The following LRRC4C variants were observed in gnomAD, a reference collection of about 807,000 sequenced individuals.
LRRC4C encodes the protein leucine rich repeat containing 4C.
LRRC4C carries 5 observed loss-of-function variants against 33.6 expected under a neutral mutation model. The observed-to-expected ratio is 0.15, with a 90% CI of 0.08 to 0.31. LRRC4C has a LOEUF of 0.31. Among genes scored for constraint, LRRC4C ranks in the 10% least tolerant of loss-of-function variants. LRRC4C has a pLI of 1.00. For missense variants in LRRC4C, 560 were observed against 796.7 expected (o/e 0.70, Z 3.58); for synonymous variants, 329 against 302.0 (o/e 1.09, Z -0.93).
chr11:40,751,076 G>GA (rs199548498), intron 2 of LRRC4C, among the ~76,000 whole-genome samples: 5,307 of 148,314 alleles, frequency 0.036, 118 homozygotes, highest in Middle Eastern at 0.076. Flanking sequence ...CTCCCTTTAT[G>GA]AAAAAAAAGA....
intron 3 of LRRC4C, among the ~76,000 whole-genome samples, chr11:40,638,289 CA>C (rs1941888509): frequency 6.6e-6 from 1 of 152,084 alleles, no homozygotes; most frequent in African/African-American, 2.4e-5. Flanking sequence ...TCTCCAAAGC[CA>C]AGAATAGTGT....
chr11:40,890,807 A>T (rs976198403), intron 2 of LRRC4C, among the ~76,000 whole-genome samples: 1 of 152,172 alleles, frequency 6.6e-6, no homozygotes. Context: ...CCTGGAAGTT[A>T]AATGTGTCAG....
Position 40,382,049 on chromosome 11 carries a change from C to T in LRRC4C, c.-269-62328G>A, listed in dbSNP as rs554301452. Reference sequence around the variant, plus strand: ...TCGGCTCACTGCAAGCTCCGCCTCCCGGGTTCACGCCATTCTCCTGCCTCA... The same window carrying T: ...TCGGCTCACTGCAAGCTCCGCCTCCTGGGTTCACGCCATTCTCCTGCCTCA... On this transcript the variant is annotated intron_variant, in intron 3 of 6. Transcript: ENST00000528697. 9.1e-3 allele frequency among the ~76,000 whole-genome samples: 1,346 copies of T among 148,364 alleles called. 11 individuals carry two copies. The highest frequency in any genetic ancestry group is 0.021 in the South Asian group (98 of 4,672).
chr11:40,907,394 A>G (rs953004933), intron 2 of LRRC4C, among the ~76,000 whole-genome samples: 1 of 152,218 alleles, frequency 6.6e-6, no homozygotes, highest in African/African-American at 2.4e-5. Flanking sequence ...TGCAAGGAAC[A>G]TAATGGGGCA....
intron 1 of LRRC4C, among the ~76,000 whole-genome samples, chr11:41,216,460 TA>T (rs75829426): frequency 0.048 from 6,213 of 128,308 alleles, 153 homozygotes; most frequent in African/African-American, 0.081. Context: ...CATTCTTAAG[TA>T]AAAAAAAAAA....
At chr11:40,485,925 T>C (rs528952460) in intron 3 of LRRC4C, among the ~76,000 whole-genome samples, 25 of 151,956 alleles carry the variant, frequency 1.6e-4, no homozygotes, top group Non-Finnish European at 3.4e-4. Context: ...TTCTCACTTA[T>C]AAGTGGGAGC....
chr11:40,114,889 C>T lies in LRRC4C; in HGVS notation c.1404G>A (p.Glu468=), dbSNP rs1855306182. ...CCACATTGTTATCTGTGGTCCGTGC[C>T]TCATCCTGAGACGGTTCCATAGTCT... ...TVETMEPSQD[E]ARTTDNNVGP... Residue 468 remains glutamate (E), a synonymous_variant, in exon 7 of 7, where the codon GAG becomes GAA. Transcript: ENST00000528697. The T allele has an allele frequency of 1.9e-6, 3 of 1,614,026 alleles. No individual in the cohort carries two copies. The highest frequency in any genetic ancestry group is 2.7e-5 in the African/African-American group (2 of 74,904).
intron 1 of LRRC4C, among the ~76,000 whole-genome samples, chr11:41,411,583 A>G (rs966062888): frequency 6.6e-6 from 1 of 152,228 alleles, no homozygotes; most frequent in Non-Finnish European, 1.5e-5. Context: ...ACAAGATTCT[A>G]TTCTGAAACC....
At chr11:40,721,726 G>A (rs1331987091) in intron 2 of LRRC4C, among the ~76,000 whole-genome samples, 1 of 152,178 alleles carries the variant, frequency 6.6e-6, no homozygotes, top group Non-Finnish European at 1.5e-5. Flanking sequence ...CGAGGTGGGC[G>A]GATCACGAGG....
chr11:41,342,373 C>A (rs1951668795), intron 1 of LRRC4C, among the ~76,000 whole-genome samples: 1 of 152,108 alleles, frequency 6.6e-6, no homozygotes, highest in South Asian at 2.1e-4. Flanking sequence ...GCTTTCTAAC[C>A]TCTTCCTGGA....
chr11:40,240,537 C>A (rs992947556), intron 5 of LRRC4C, among the ~76,000 whole-genome samples: 23 of 152,164 alleles, frequency 1.5e-4, no homozygotes, highest in African/African-American at 5.6e-4. Context: ...TTCTCCCACA[C>A]AGAGACACTA....
intron 1 of LRRC4C, among the ~76,000 whole-genome samples, chr11:41,179,694 G>A (rs139627467): frequency 1.5e-3 from 225 of 152,236 alleles, no homozygotes; most frequent in African/African-American, 4.3e-3. Flanking sequence ...TAGATAGTAG[G>A]TATACAACTG....
chr11:40,207,134 T>C (rs941501361), intron 5 of LRRC4C, among the ~76,000 whole-genome samples: 60 of 152,198 alleles, frequency 3.9e-4, no homozygotes, highest in African/African-American at 1.4e-3. Context: ...AATCTTAATA[T>C]ATTGTACGGA....
chr11:40,296,273 T>C (rs1944507129), intron 4 of LRRC4C, among the ~76,000 whole-genome samples: 3 of 152,232 alleles, frequency 2.0e-5, no homozygotes, highest in South Asian at 2.1e-4. Context: ...CTTGAATTCG[T>C]CACATGGCTT....
chr11:40,174,675 T>C (rs544122046), intron 5 of LRRC4C, among the ~76,000 whole-genome samples: 4 of 152,298 alleles, frequency 2.6e-5, no homozygotes, highest in East Asian at 3.9e-4. Context: ...ACTATAACCA[T>C]AGCAGCAGTG....
At chr11:40,621,611 T>G (rs1396370840) in intron 3 of LRRC4C, among the ~76,000 whole-genome samples, 1 of 151,812 alleles carries the variant, frequency 6.6e-6, no homozygotes, top group East Asian at 1.9e-4. Context: ...GAGGTAATGA[T>G]GACTTTATCT....
intron 2 of LRRC4C, among the ~76,000 whole-genome samples, chr11:40,874,142 C>T (rs1222916039): frequency 6.6e-6 from 1 of 152,122 alleles, no homozygotes; most frequent in Non-Finnish European, 1.5e-5. Context: ...AGATTTAAAC[C>T]ATCTCCTGTC....
chr11:40,544,146 G>A (rs559330647), intron 3 of LRRC4C, among the ~76,000 whole-genome samples: 39 of 151,986 alleles, frequency 2.6e-4, no homozygotes, highest in Non-Finnish European at 3.7e-4. Flanking sequence ...TTAGATGACC[G>A]ATATTTAAAC....
chr11:40,556,771 G>T (rs1166333448), intron 3 of LRRC4C, among the ~76,000 whole-genome samples: 1 of 152,050 alleles, frequency 6.6e-6, no homozygotes, highest in Non-Finnish European at 1.5e-5. Flanking sequence ...TCAAATCAAA[G>T]GCTACTTACA....
Sources: allele counts gnomAD v4.1 joint callset (sites outside exome capture counted in the v4.1 genomes callset), GRCh38; gene constraint gnomAD v4.1.1; transcripts MANE v1.5; gene names NCBI Gene and HGNC (gene_info 2026-07-23, HGNC 2026-07-21).